The following MYO1D variants were observed in gnomAD, a reference collection of about 807,000 sequenced individuals.
MYO1D encodes the protein unconventional myosin-Id.
MYO1D carries 83 observed loss-of-function variants against 122.0 expected under a neutral mutation model. The observed-to-expected ratio is 0.68, with a 90% CI of 0.57 to 0.82. The LOEUF is 0.82. MYO1D is among the 40% of genes least tolerant of loss of function. The pLI, the probability that MYO1D is intolerant of heterozygous loss-of-function variation, is 0.00. For missense variants in MYO1D, 1,157 were observed against 1,269.5 expected (o/e 0.91, Z 1.35); for synonymous variants, 464 against 446.9 (o/e 1.04, Z -0.48).
At chr17:32,731,534 G>A (rs928041883) in intron 14 of MYO1D, among the ~76,000 whole-genome samples, 1 of 152,120 alleles carries the variant, frequency 6.6e-6, no homozygotes, top group Non-Finnish European at 1.5e-5. Flanking sequence ...ATAGTATCTT[G>A]TAGTGATTCT....
chr17:32,517,380 A>G (rs1235618323), intron 21 of MYO1D, among the ~76,000 whole-genome samples: 1 of 152,238 alleles, frequency 6.6e-6, no homozygotes, highest in African/African-American at 2.4e-5. Flanking sequence ...CCTCAAGTGT[A>G]TCAGTGTCAG....
At chr17:32,794,435 T>C (rs1389300636) in intron 1 of MYO1D, 2 of 152,120 alleles carry the variant, frequency 1.3e-5, no homozygotes, top group Non-Finnish European at 1.5e-5. Flanking sequence ...CAAAACACAA[T>C]TCTTTTATTT....
intron 21 of MYO1D, among the ~76,000 whole-genome samples, chr17:32,560,564 T>C (rs1421710265): frequency 1.7e-5 from 2 of 114,614 alleles, no homozygotes; most frequent in African/African-American, 7.2e-5. Flanking sequence ...TATATATATA[T>C]ATATATATAT....
chr17:32,576,202 A>G (rs1194490926), intron 21 of MYO1D, among the ~76,000 whole-genome samples: 1 of 152,178 alleles, frequency 6.6e-6, no homozygotes, highest in African/African-American at 2.4e-5. Context: ...CCAGCTTGCT[A>G]CTCTGCCCCA....
chr17:32,755,758 C>T, intron 10 of MYO1D, 96 bp from the exon 11 acceptor site: 1 of 1,075,012 alleles, frequency 9.3e-7, no homozygotes, highest in Non-Finnish European at 1.3e-6. Context: ...TCAGGTAAAA[C>T]TACTTTGGTG....
chr17:32,538,488 T>G, intron 21 of MYO1D, among the ~76,000 whole-genome samples: 1 of 150,618 alleles, frequency 6.6e-6, no homozygotes, highest in East Asian at 2.0e-4. Flanking sequence ...TTTGTAGAGA[T>G]GGGGTCTTGC....
intron 21 of MYO1D, among the ~76,000 whole-genome samples, chr17:32,528,676 A>C (rs550861399): frequency 6.6e-6 from 1 of 152,294 alleles, no homozygotes; most frequent in Non-Finnish European, 1.5e-5. Context: ...AATCACAAGT[A>C]TTCTTTTAAA....
chr17:32,622,928 T>G lies in MYO1D; in HGVS notation c.2709+15794A>C, dbSNP rs539146862. On this transcript the variant is annotated intron_variant, in intron 20 of 21. Coordinates refer to ENST00000318217, the MANE Select transcript of MYO1D (RefSeq NM_015194.3). ...ATCTGCTTCCAAATATCCTAACACT[T>G]GTGTTGCCAGACCCCACTGGGGTGT... Among the ~76,000 whole-genome samples, 4 of 152,342 alleles carry G rather than the reference T, an allele frequency of 2.6e-5. No individual in the cohort carries two copies. In the South Asian group the frequency reaches 8.3e-4, roughly 32 times the overall value.
At chr17:32,822,434 C>CCTCCCGGCCTCTCTTCCTT (rs2090675798) in intron 1 of MYO1D, among the ~76,000 whole-genome samples, 1 of 150,854 alleles carries the variant, frequency 6.6e-6, no homozygotes, top group East Asian at 2.0e-4. Flanking sequence ...TCGTCTTCCT[C>CCTCCCGGCCTCTCTTCCTT]CCTCCCGGCC....
intron 21 of MYO1D, among the ~76,000 whole-genome samples, chr17:32,575,505 T>C (rs1233309121): frequency 1.3e-5 from 2 of 152,234 alleles, no homozygotes; most frequent in African/African-American, 4.8e-5. Context: ...GATTATATAG[T>C]ACAAGGAAAG....
At chr17:32,589,080 T>C (rs1245602085) in intron 21 of MYO1D, among the ~76,000 whole-genome samples, 3 of 152,222 alleles carry the variant, frequency 2.0e-5, no homozygotes, top group African/African-American at 7.2e-5. Context: ...TACAACAGTG[T>C]CATATTTGTG....
intron 20 of MYO1D, among the ~76,000 whole-genome samples, chr17:32,633,356 CA>C (rs147056152): frequency 0.061 from 9,357 of 152,166 alleles, 359 homozygotes; most frequent in East Asian, 0.19. Context: ...ATTAGGAACA[CA>C]AAGGAGTATA....
rs1597959688 is a variant in MYO1D at position 32,638,277 on chromosome 17, C to T, written c.2709+445G>A. ...TAAAGTGGACTTACACCAAAGATCA[C>T]ACAATCAACAACTAAATATGCACAA... On this transcript the variant is annotated intron_variant, in intron 20 of 21. Coordinates refer to ENST00000318217, the MANE Select transcript of MYO1D (RefSeq NM_015194.3). 2.0e-5 allele frequency among the ~76,000 whole-genome samples: 3 copies of T among 152,128 alleles called. No individual in the cohort carries two copies. In the East Asian group the frequency reaches 5.8e-4, roughly 29 times the overall value.
chr17:32,679,444 T>G (rs1443070604), intron 16 of MYO1D, among the ~76,000 whole-genome samples: 1 of 152,094 alleles, frequency 6.6e-6, no homozygotes, highest in East Asian at 1.9e-4. Context: ...GTATAAGGTG[T>G]AAGGAAGGGA....
intron 16 of MYO1D, among the ~76,000 whole-genome samples, chr17:32,674,709 G>A (rs1253165370): frequency 6.6e-6 from 1 of 152,126 alleles, no homozygotes; most frequent in African/African-American, 2.4e-5. Flanking sequence ...GCCCTATGAA[G>A]TCTGCTTCTA....
intron 10 of MYO1D, among the ~76,000 whole-genome samples, chr17:32,756,907 CA>C (rs774223739): frequency 6.0e-4 from 92 of 152,102 alleles, no homozygotes; most frequent in Middle Eastern, 3.2e-3. Context: ...TGACAGCCTG[CA>C]ATGTACCTAT....
chr17:32,664,292 G>C (rs2150956742), intron 16 of MYO1D, among the ~76,000 whole-genome samples: 1 of 152,294 alleles, frequency 6.6e-6, no homozygotes, highest in Non-Finnish European at 1.5e-5. Context: ...TGCAGCTTTG[G>C]AATTTAAGGT....
intron 21 of MYO1D, among the ~76,000 whole-genome samples, chr17:32,564,658 C>T (rs2087156226): frequency 6.6e-6 from 1 of 152,184 alleles, no homozygotes; most frequent in Non-Finnish European, 1.5e-5. Context: ...GGGAGATGGA[C>T]TAAGTAGACA....
intron 16 of MYO1D, among the ~76,000 whole-genome samples, chr17:32,691,923 C>T (rs1000533634): frequency 6.6e-6 from 1 of 152,068 alleles, no homozygotes; most frequent in Admixed American, 6.6e-5. Flanking sequence ...TTTGAAAAAT[C>T]CCGAGTATTT....
Sources: allele counts gnomAD v4.1 joint callset (sites outside exome capture counted in the v4.1 genomes callset), GRCh38; gene constraint gnomAD v4.1.1; transcripts MANE v1.5; gene names NCBI Gene and HGNC (gene_info 2026-07-23, HGNC 2026-07-21).